RARS2: variants seen among roughly 807,000 people sequenced by gnomAD.
RARS2 encodes the protein probable arginine--tRNA ligase, mitochondrial.
Under a neutral mutation model 88.5 loss-of-function variants are expected in RARS2, and 67 were observed. The observed-to-expected ratio is 0.76, with a 90% CI of 0.62 to 0.93. The LOEUF is 0.93. Among genes scored for constraint, RARS2 ranks in the 40% least tolerant of loss-of-function variants. RARS2 has a pLI of 0.00. For missense variants in RARS2, 664 were observed against 684.2 expected (o/e 0.97, Z 0.33); for synonymous variants, 239 against 230.3 (o/e 1.04, Z -0.34).
rs746064023 is a variant in RARS2, at chr6:87,518,222, G to A, written c.1458C>T (p.Asn486=). The A allele has an allele frequency of 8.1e-6, 13 of 1,614,022 alleles. No individual in the cohort carries two copies. The Admixed American group carries it at 1.3e-4, about 17-fold the overall frequency. ...ACTGTGGCTCTTGTAAACAAGCAGT[G>A]TTGAAGTCATTCAGGTACCCACATC... ...TFGCGYLNDF[N]TACLQEPQSV... The change falls in exon 17 of 20, where the codon AAC becomes AAT. Residue 486 remains asparagine (N), a synonymous_variant. Coordinates refer to ENST00000369536, the MANE Select transcript of RARS2 (RefSeq NM_020320.5).
chr6:87,552,884 CTTTA>C (rs541772333), intron 5 of RARS2, among the ~76,000 whole-genome samples: 42 of 152,214 alleles, frequency 2.8e-4, no homozygotes, highest in African/African-American at 9.4e-4. Flanking sequence ...GCTGATTTTC[CTTTA>C]TTTGCCAGTT....
Position 87,530,829 on chromosome 6 carries a change from T to G in RARS2, c.726A>C (p.Gln242His), listed in dbSNP as rs145499324. The G allele has an allele frequency of 1.2e-6, 2 of 1,614,092 alleles. No homozygotes were observed. The highest frequency in any genetic ancestry group is 2.7e-5 in the African/African-American group (2 of 74,940). Residue 242 changes from glutamine to histidine, a missense_variant, in exon 9 of 20, where the codon CAA (glutamine) becomes CAC (histidine). Physicochemically the swap from Gln to His is conservative, Grantham distance 24. Coordinates refer to ENST00000369536, the MANE Select transcript of RARS2 (RefSeq NM_020320.5). ...LGDVQALSLW[Q>H]KFRDLSIEEY... The stretch of plus-strand genomic sequence containing the variant: ...CTTCAATGCTCAAGTCCCGAAATTT[T>G]TGCCACAGTGAAAGTGCTTGCACAT...
chr6:87,530,719 T>C, intron 9 of RARS2, 65 bp downstream of exon 9: 1 of 1,552,684 alleles, frequency 6.4e-7, no homozygotes, highest in Non-Finnish European at 8.9e-7. Context: ...GCAACTTTAC[T>C]ATGCAGGTAA....
intron 4 of RARS2, among the ~76,000 whole-genome samples, chr6:87,562,070 T>A (rs1277438326): frequency 1.3e-5 from 2 of 152,178 alleles, no homozygotes; most frequent in African/African-American, 2.4e-5. Context: ...GCTCAAGCGA[T>A]CCTCCCACCT....
At chr6:87,542,103 T>A (rs1349881908) in intron 7 of RARS2, 109 bp from the exon 8 acceptor site, 1 of 818,518 alleles carries the variant, frequency 1.2e-6, no homozygotes, top group East Asian at 2.7e-5. Flanking sequence ...ATATTATGTA[T>A]CCTGAGAAGT....
At chr6:87,577,317 G>A (rs1033951152) in intron 1 of RARS2, among the ~76,000 whole-genome samples, 1 of 152,070 alleles carries the variant, frequency 6.6e-6, no homozygotes, top group Non-Finnish European at 1.5e-5. Flanking sequence ...CCAGCCTCCT[G>A]AGTAGCTGGG....
In RARS2 at chr6:87,518,842, G is replaced by C; in HGVS notation, c.1287C>G (p.Leu429=). Residue 429 remains leucine, a synonymous_variant, in exon 15 of 20, where the codon CTC becomes CTG. Transcript: ENST00000369536. The part of the protein sequence containing the change: ...NPQETAERVG[L]AALIIQDFKG... ...AACAGACCTGAATAATGAGTGCTGC[G>C]AGCCCGACCCTCTCTGCAGTCTCTT... 1 of 1,614,038 alleles carries C rather than the reference G, an allele frequency of 6.2e-7. No individual in the cohort carries two copies. Among genetic ancestry groups the C allele is most frequent in the African/African-American group, 1.3e-5 (1 of 74,990 alleles).
intron 8 of RARS2, among the ~76,000 whole-genome samples, chr6:87,533,860 A>G (rs1326464603): frequency 6.6e-6 from 1 of 152,204 alleles, no homozygotes; most frequent in African/African-American, 2.4e-5. Context: ...CTAGAATACC[A>G]TTAGCCACAT....
intron 4 of RARS2, among the ~76,000 whole-genome samples, chr6:87,559,463 CAAAAAAAAAAAAAAAA>C (rs753856335): frequency 1.1e-4 from 10 of 93,296 alleles, no homozygotes; most frequent in African/African-American, 1.5e-4. Flanking sequence ...AACTCTGTCT[CAAAAAAAAAAAAAAAA>C]AAAAAAAAAA....
intron 2 of RARS2, among the ~76,000 whole-genome samples, chr6:87,566,597 T>C (rs1049248961): frequency 6.6e-6 from 1 of 151,860 alleles, no homozygotes; most frequent in African/African-American, 2.4e-5. Context: ...CCTGTAATTC[T>C]AGTGTGGGAG....
chr6:87,589,648 G>A (rs1188309605), intron 1 of RARS2: 2 of 984,212 alleles, frequency 2.0e-6, no homozygotes, highest in Non-Finnish European at 2.4e-6. Context: ...CCGCCACCCA[G>A]GTAAAGCATT....
At chr6:87,554,673 C>T (rs887874473) in intron 5 of RARS2, among the ~76,000 whole-genome samples, 4 of 152,006 alleles carry the variant, frequency 2.6e-5, no homozygotes, top group African/African-American at 9.7e-5. Flanking sequence ...AGGCTGGTCT[C>T]GAACTCTTGG....
intron 2 of RARS2, among the ~76,000 whole-genome samples, chr6:87,565,039 C>T (rs1157604452): frequency 2.6e-5 from 4 of 152,154 alleles, no homozygotes; most frequent in Non-Finnish European, 5.9e-5. Flanking sequence ...GTCTGGGTGA[C>T]AGAGCAAGAC....
intron 1 of RARS2, 63 bp downstream of exon 1, chr6:87,589,859 G>A (rs1049702526): frequency 3.7e-6 from 6 of 1,614,052 alleles, no homozygotes; most frequent in Non-Finnish European, 5.1e-6. Flanking sequence ...GGCCCGCAGC[G>A]GTGAAAGGCC....
Position 87,549,948 on chromosome 6 carries a change from TA to T in RARS2, c.396-1303del, listed in dbSNP as rs773825374. 1.3e-4 allele frequency among the ~76,000 whole-genome samples: 20 copies of T among 152,242 alleles called. No individual in the cohort carries two copies. In the East Asian group the frequency reaches 3.9e-3, roughly 29 times the overall value. On this transcript the variant is annotated intron_variant, in intron 5 of 19. Transcript: ENST00000369536. ...AAAATCTCATAAGTTTTTCAATATT[TA>T]AAAAAAGATAAATTAACTTGAACAT...
chr6:87,517,546 T>C (rs954226177), intron 17 of RARS2, among the ~76,000 whole-genome samples: 1 of 152,214 alleles, frequency 6.6e-6, no homozygotes, highest in Non-Finnish European at 1.5e-5. Context: ...ACATTCCCTA[T>C]TGTACATGTG....
chr6:87,545,536 G>A, intron 7 of RARS2, 80 bp downstream of exon 7: 1 of 1,579,584 alleles, frequency 6.3e-7, no homozygotes, highest in South Asian at 1.1e-5. Context: ...ATGGGATTCT[G>A]CCTATATTCT....
chr6:87,557,056 G>A lies in RARS2; in HGVS notation c.298-1551C>T, dbSNP rs555008414. 6.4e-5 allele frequency among the ~76,000 whole-genome samples: 9 copies of A among 139,914 alleles called. No individual in the cohort carries two copies. In the South Asian group the frequency reaches 2.0e-3, roughly 31 times the overall value. 91.8% of individuals were successfully genotyped at this position (139,914 alleles called of 152,430 possible). The stretch of plus-strand genomic sequence containing the variant: ...CTAAATGGAACAGGCAGAGAAGGGA[G>A]CAGCAGCCAGTACATAACAATCGAC... On this transcript the variant is annotated intron_variant, in intron 4 of 19. Transcript: ENST00000369536.
intron 3 of RARS2, 25 bp downstream of exon 3, chr6:87,564,105 A>T: frequency 6.5e-7 from 1 of 1,530,692 alleles, no homozygotes; most frequent in East Asian, 2.3e-5. Flanking sequence ...TACAATGTCA[A>T]AAAGAGATAA....
Sources: gnomAD v4.1 joint callset for allele counts (sites outside exome capture counted in the v4.1 genomes callset) on GRCh38, gnomAD v4.1.1 for gene constraint, MANE v1.5 for transcripts, NCBI Gene and HGNC (gene_info 2026-07-23, HGNC 2026-07-21) for gene names.